Variants in GART observed in about 807,000 individuals in gnomAD.
GART encodes the protein trifunctional purine biosynthetic protein adenosine-3.
A neutral mutation model predicts 107.2 loss-of-function variants in GART; 43 were observed. The observed-to-expected ratio is 0.40, with a 90% CI of 0.31 to 0.52. The LOEUF (loss-of-function observed/expected upper bound fraction) is 0.52, where lower values mean the gene tolerates loss of function less well. GART is among the 20% of genes least tolerant of loss of function. GART has a pLI of 0.52. For missense variants in GART, 1,107 were observed against 1,206.5 expected, an observed-to-expected ratio of 0.92 and a Z score of 1.22; for synonymous variants, 434 against 427.0, an observed-to-expected ratio of 1.02 and a Z score of -0.20.
chr21:33,516,999 C>T lies in GART; in HGVS notation c.2097G>A (p.Gly699=), dbSNP rs2084890837. The change falls in exon 16 of 22, where the codon GGG becomes GGA. Residue 699 remains glycine (G), a synonymous_variant. Coordinates refer to ENST00000381815, the MANE Select transcript of GART (RefSeq NM_000819.5). ...TTTTAGTGATCTTACCTAAATCTAC[C>T]CCAAGTTTCTCAGGGAGGACTCTGG... is the stretch of plus-strand genomic sequence containing the variant. ...NIPRVLPEKL[G]VDLDAQTWRI... 1 of 1,597,592 alleles carries T rather than the reference C, an allele frequency of 6.3e-7. No homozygotes were observed. The highest frequency in any genetic ancestry group is 8.5e-7 in the Non-Finnish European group (1 of 1,175,816).
intron 17 of GART, 62 bp from the exon 18 acceptor site, chr21:33,509,982 A>C: frequency 1.4e-6 from 2 of 1,453,326 alleles, no homozygotes; most frequent in South Asian, 2.5e-5. Flanking sequence ...AGAATAATGG[A>C]AAGAAAAATA....
At chr21:33,538,684 A>G (rs140303303) in intron 2 of GART, among the ~76,000 whole-genome samples, 313 of 152,358 alleles carry the variant, frequency 2.1e-3, no homozygotes, top group Non-Finnish European at 3.0e-3. Flanking sequence ...CATATTCTGA[A>G]CAATAGGTTA....
Position 33,505,547 on chromosome 21 carries a change from T to C in GART, c.2725+14A>G, listed in dbSNP as rs913580313. ...ATTGATTTCCCAATGTGATGTCAAA[T>C]AATTTTTGCTTACCATTCCACTTTT... is the stretch of plus-strand genomic sequence containing the variant. On this transcript the variant is annotated intron_variant, in intron 20 of 21. Coordinates refer to ENST00000381815, the MANE Select transcript of GART (RefSeq NM_000819.5). 1 of 1,580,136 alleles carries C rather than the reference T, an allele frequency of 6.3e-7. No individual in the cohort carries two copies. The highest frequency in any genetic ancestry group is 8.6e-7 in the Non-Finnish European group (1 of 1,165,452).
intron 4 of GART, among the ~76,000 whole-genome samples, 175 bp downstream of exon 4, chr21:33,534,404 A>G (rs1601225704): frequency 6.6e-6 from 1 of 151,734 alleles, no homozygotes; most frequent in South Asian, 2.1e-4. Context: ...TTTTGTAGAG[A>G]CAGGGTTTTA....
Position 33,530,795 on chromosome 21 carries a change from G to C in GART, c.687C>G (p.Asn229Lys). The C allele has an allele frequency of 6.5e-7, 1 of 1,531,384 alleles. No individual in the cohort carries two copies. Among genetic ancestry groups the C allele is most frequent in the Non-Finnish European group, 8.7e-7 (1 of 1,145,914 alleles). 94.9% of individuals were successfully genotyped at this position (1,531,384 alleles called of 1,614,324 possible). A position where few individuals can be genotyped will look rare whatever the true frequency, so the allele number is the denominator to read the frequency against. The change falls in exon 7 of 22, where the codon AAC becomes AAG. Residue 229 changes from asparagine to lysine, a missense_variant. Transcript: ENST00000381815. ...KRLLEGDGGP[N>K]TGGMGAYCPA... is the part of the protein sequence containing the mutation. The stretch of plus-strand genomic sequence containing the variant: ...GACAATAGGCTCCCATTCCCCCTGT[G>C]TTAGGGCCACCATCTCCCTCCAGTA...
intron 20 of GART, among the ~76,000 whole-genome samples, chr21:33,504,982 T>C (rs1015827372): frequency 1.3e-5 from 2 of 152,212 alleles, no homozygotes; most frequent in South Asian, 4.1e-4. Flanking sequence ...TCTAACTACA[T>C]TCACCTAAGA....
chr21:33,522,587 AT>A (rs1172043487), intron 11 of GART, among the ~76,000 whole-genome samples: 1 of 152,228 alleles, frequency 6.6e-6, no homozygotes, highest in African/African-American at 2.4e-5. Flanking sequence ...GCTGCTAAAT[AT>A]ACTGATTCTT....
Position 33,531,434 on chromosome 21 carries a change from G to A in GART, c.597+55C>T, listed in dbSNP as rs751308879. 4 of 1,484,760 alleles carry A rather than the reference G, an allele frequency of 2.7e-6. No individual in the cohort carries two copies. The East Asian group carries it at 9.0e-5, about 34-fold the overall frequency. The allele number at this position is 1,484,760 out of a possible 1,614,324, so 92.0% of individuals were successfully genotyped here. On this transcript the variant is annotated intron_variant, in intron 6 of 21. Coordinates refer to ENST00000381815, the MANE Select transcript of GART (RefSeq NM_000819.5). ...TATCAAGTCTTTTCTGGGGTACACA[G>A]GTCAGATGACAGCTTCTTATACACT... is the stretch of plus-strand genomic sequence containing the variant.
chr21:33,535,424 T>C, intron 2 of GART, 104 bp from the exon 3 acceptor site: 1 of 640,450 alleles, frequency 1.6e-6, no homozygotes, highest in Non-Finnish European at 2.5e-6. Context: ...TACTTTAGTA[T>C]GCTTGTTATC....
In GART at chr21:33,505,623, T is replaced by A; in HGVS notation, c.2663A>T (p.Asp888Val). ...CATGAATCCTGCAAGACAGACTATGTCTATGGAGAACTCTTCAAGGACTAG... is the reference window on the plus strand; with the variant it reads ...CATGAATCCTGCAAGACAGACTATGACTATGGAGAACTCTTCAAGGACTAG... ...IDLVLEEFSI[D>V]IVCLAGFMRI... Residue 888 changes from aspartate to valine, a missense_variant, in exon 20 of 22, where the codon GAC becomes GTC. Transcript: ENST00000381815. The A allele has an allele frequency of 6.2e-7, 1 of 1,613,020 alleles. No individual in the cohort carries two copies.
intron 5 of GART, 154 bp downstream of exon 5, chr21:33,532,191 A>G (rs936880373): frequency 1.3e-5 from 8 of 639,638 alleles, no homozygotes; most frequent in Non-Finnish European, 2.2e-5. Context: ...ACTATTTTAT[A>G]GAGATGGATT....
chr21:33,505,469 G>A, intron 20 of GART, 92 bp downstream of exon 20: 1 of 1,028,542 alleles, frequency 9.7e-7, no homozygotes, highest in South Asian at 1.9e-5. Flanking sequence ...TCTGGGATGG[G>A]TGTTCACTAC....
At chr21:33,516,714 T>C (rs1272106770) in intron 16 of GART, among the ~76,000 whole-genome samples, 2 of 152,180 alleles carry the variant, frequency 1.3e-5, no homozygotes, top group Non-Finnish European at 2.9e-5. Context: ...TCCATCTTAA[T>C]AGAGCTTGAA....
rs116552630 is a variant in GART at position 33,510,249 on chromosome 21, A to G, written c.2315-329T>C. ...CGAGACCACCCACAGTAGTGCCATG[A>G]TCTCCTGGTCTCGGGGATAAGCATG... is the stretch of plus-strand genomic sequence containing the variant. On this transcript the variant is annotated intron_variant, in intron 17 of 21. Transcript: ENST00000381815. 1,191 of 197,802 alleles carry G rather than the reference A, an allele frequency of 6.0e-3. 15 individuals carry two copies. The highest frequency in any genetic ancestry group is 0.026 in the African/African-American group (1,110 of 42,934). 12.3% of individuals were successfully genotyped at this position (197,802 alleles called of 1,614,324 possible).
chr21:33,518,737 A>AAT (rs2084920452), intron 14 of GART: 2 of 444,334 alleles, frequency 4.5e-6, no homozygotes, highest in African/African-American at 4.0e-5. Flanking sequence ...CTTCATCACC[A>AAT]TCCCCTCCAT....
chr21:33,518,731 A>G, intron 14 of GART: 1 of 441,266 alleles, frequency 2.3e-6, no homozygotes, highest in South Asian at 1.8e-5. Context: ...CTAGAACTTC[A>G]TCACCATCCC....
Position 33,524,883 on chromosome 21 carries a change from T to G in GART, c.1184A>C (p.Asn395Thr). The change falls in exon 11 of 22, where the codon AAT (asparagine) becomes ACT (threonine). Residue 395 changes from asparagine (N) to threonine (T), a missense_variant. Transcript: ENST00000381815. ...GGCTTCCTCAAGGGCTGATATGAGA[T>G]TTTCCCGGATGGCTGTGACTGCAAG... Reference protein sequence around the residue: ...RVLAVTAIRENLISALEEAKK... With the variant: ...RVLAVTAIRETLISALEEAKK... 1 of 1,614,146 alleles carries G rather than the reference T, an allele frequency of 6.2e-7. No individual in the cohort carries two copies. The highest frequency in any genetic ancestry group is 8.5e-7 in the Non-Finnish European group (1 of 1,180,018).
At position 33,504,441 on chromosome 21, in the gene GART, C is replaced by A; in HGVS notation, c.2812G>T (p.Val938Phe). 6.2e-7 allele frequency: 1 copy of A among 1,614,112 alleles called. No homozygotes were observed. Among genetic ancestry groups the A allele is most frequent in the Non-Finnish European group, 8.5e-7 (1 of 1,179,974 alleles). The stretch of plus-strand genomic sequence containing the variant: ...ACAAAGTGTACAGTGCACCCAGTAA[C>A]TGTGACTCCGGTTTCCAGGGCTTGC... ...HEQALETGVT[V>F]TGCTVHFVAE... The change falls in exon 21 of 22, where the codon GTT (valine) becomes TTT (phenylalanine). Residue 938 changes from valine (V) to phenylalanine (F), a missense_variant. Transcript: ENST00000381815.
At chr21:33,525,837 A>T (rs2085063265) in intron 10 of GART, among the ~76,000 whole-genome samples, 1 of 150,762 alleles carries the variant, frequency 6.6e-6, no homozygotes, top group Admixed American at 6.6e-5. Context: ...ATCTGATCAC[A>T]TTAATCTTTT....
Sources: gnomAD v4.1 joint callset for allele counts (sites outside exome capture counted in the v4.1 genomes callset) on GRCh38, gnomAD v4.1.1 for gene constraint, MANE v1.5 for transcripts, NCBI Gene and HGNC (gene_info 2026-07-23, HGNC 2026-07-21) for gene names.